Variants in LPP observed in about 807,000 individuals in gnomAD.
The protein encoded by LPP is lipoma-preferred partner.
A neutral mutation model predicts 60.4 loss-of-function variants in LPP; 38 were observed. The observed-to-expected ratio is 0.63, with a 90% CI of 0.49 to 0.83. The LOEUF (loss-of-function observed/expected upper bound fraction) is 0.83. Among genes scored for constraint, LPP ranks in the 40% least tolerant of loss-of-function variants. The pLI, the probability that LPP is intolerant of heterozygous loss-of-function variation, is 0.00. For missense variants in LPP, 902 were observed against 783.6 expected, an observed-to-expected ratio of 1.15 and a Z score of -1.80; for synonymous variants, 328 against 290.8, an observed-to-expected ratio of 1.13 and a Z score of -1.30.
intron 1 of LPP, among the ~76,000 whole-genome samples, chr3:188,205,295 T>C (rs1197092203): frequency 1.4e-5 from 2 of 146,522 alleles, no homozygotes; most frequent in Non-Finnish European, 3.0e-5. Context: ...TTTTTTTTTT[T>C]TTTTTGGCAG....
At chr3:188,809,445 C>G (rs1408349286) in intron 9 of LPP, among the ~76,000 whole-genome samples, 1 of 152,098 alleles carries the variant, frequency 6.6e-6, no homozygotes, top group African/African-American at 2.4e-5. Context: ...TGTCATTGAG[C>G]TTTTTTTCAT....
intron 6 of LPP, among the ~76,000 whole-genome samples, chr3:188,530,232 A>G (rs13080305): frequency 0.39 from 59,977 of 152,106 alleles, 12,611 homozygotes; most frequent in African/African-American, 0.52. Flanking sequence ...AGAAATTTAC[A>G]GGGGGATAGC....
At chr3:188,566,178 C>G (rs1426479072) in intron 6 of LPP, among the ~76,000 whole-genome samples, 1 of 151,912 alleles carries the variant, frequency 6.6e-6, no homozygotes, top group Non-Finnish European at 1.5e-5. Flanking sequence ...TTTCAATCTT[C>G]CCTTGCACGA....
At chr3:188,306,925 A>G (rs1321935299) in intron 2 of LPP, among the ~76,000 whole-genome samples, 1 of 152,230 alleles carries the variant, frequency 6.6e-6, no homozygotes, top group African/African-American at 2.4e-5. Context: ...CAAAACAACA[A>G]CAAAGCACGT....
Position 188,361,788 on chromosome 3 carries a change from G to A in LPP, c.-10+20069G>A, listed in dbSNP as rs112169327. Among the ~76,000 whole-genome samples the A allele has an allele frequency of 1.1e-3, 174 of 152,106 alleles. 1 individual carries two copies. The highest frequency in any genetic ancestry group is 4.1e-3 in the African/African-American group (169 of 41,496). ...TTGCCATGTTGGCCAGGCTGGTCTC[G>A]AACTCCTGACCTCAAATGATTTGCC... is the stretch of plus-strand genomic sequence containing the variant. On this transcript the variant is annotated intron_variant, in intron 3 of 11. Coordinates refer to ENST00000617246, the MANE Select transcript of LPP (RefSeq NM_001375462.1).
At chr3:188,485,063 T>A (rs1036932721) in intron 5 of LPP, among the ~76,000 whole-genome samples, 2 of 152,246 alleles carry the variant, frequency 1.3e-5, no homozygotes, top group Non-Finnish European at 2.9e-5. Context: ...ATGTTCTCTA[T>A]CTTCAAACAT....
rs376981161 is a variant in LPP at position 188,614,058 on chromosome 3, G to A, written c.1113+4214G>A. ...TTCTCCTGCCTCAGCCTACCAAGTA[G>A]CTGGGATTACAGGCTCCCGCCACCA... On this transcript the variant is annotated intron_variant, in intron 7 of 11. Coordinates refer to ENST00000617246, the MANE Select transcript of LPP (RefSeq NM_001375462.1). Among the ~76,000 whole-genome samples, 5 of 151,762 alleles carry A rather than the reference G, an allele frequency of 3.3e-5. No homozygotes were observed. In the East Asian group the frequency reaches 5.8e-4, roughly 18 times the overall value.
Position 188,779,079 on chromosome 3 carries a change from A to G in LPP, c.1410+18797A>G, listed in dbSNP as rs571496109. Among the ~76,000 whole-genome samples, 3 of 152,220 alleles carry G rather than the reference A, an allele frequency of 2.0e-5. No homozygotes were observed. The South Asian group carries it at 6.2e-4, about 32-fold the overall frequency. ...AGTCAATGGGATCATTAAGATTATT[A>G]TGCATGTTTTCCAAAGAGTTTGAAT... is the stretch of plus-strand genomic sequence containing the variant. On this transcript the variant is annotated intron_variant, in intron 9 of 11. Transcript: ENST00000617246.
At chr3:188,408,462 C>T (rs955124487) in intron 4 of LPP, among the ~76,000 whole-genome samples, 3 of 152,152 alleles carry the variant, frequency 2.0e-5, no homozygotes, top group South Asian at 2.1e-4. Context: ...GATTTGTTTG[C>T]GTGCCCTGCA....
intron 3 of LPP, among the ~76,000 whole-genome samples, chr3:188,373,930 G>A (rs895058961): frequency 3.3e-5 from 5 of 152,004 alleles, no homozygotes; most frequent in African/African-American, 9.7e-5. Flanking sequence ...ATATATGGCT[G>A]GCCAGTTTCC....
chr3:188,268,793 G>A (rs980951142), intron 2 of LPP, among the ~76,000 whole-genome samples: 2 of 152,180 alleles, frequency 1.3e-5, no homozygotes, highest in African/African-American at 4.8e-5. Context: ...CAGGAATAAT[G>A]AATGAATATT....
intron 2 of LPP, among the ~76,000 whole-genome samples, chr3:188,323,045 C>T (rs930427440): frequency 2.0e-5 from 3 of 152,074 alleles, no homozygotes; most frequent in Non-Finnish European, 2.9e-5. Flanking sequence ...AGAAAAAGAG[C>T]GGTGAAAATG....
chr3:188,590,710 G>A (rs1838510136), intron 6 of LPP, among the ~76,000 whole-genome samples: 1 of 152,174 alleles, frequency 6.6e-6, no homozygotes, highest in African/African-American at 2.4e-5. Flanking sequence ...GAGTGGTGAA[G>A]ACTGTGGCAA....
chr3:188,684,906 TG>T (rs989241231), intron 7 of LPP, among the ~76,000 whole-genome samples: 18 of 152,324 alleles, frequency 1.2e-4, no homozygotes, highest in Admixed American at 9.8e-4. Context: ...CCTGAATATG[TG>T]CTAAAAGCAT....
chr3:188,597,303 A>T (rs917314854), intron 6 of LPP, among the ~76,000 whole-genome samples: 23 of 152,162 alleles, frequency 1.5e-4, no homozygotes, highest in Admixed American at 1.2e-3. Flanking sequence ...TCTGTTAAAA[A>T]TTATTCCCCA....
intron 4 of LPP, among the ~76,000 whole-genome samples, chr3:188,459,770 GATT>G (rs1156365009): frequency 6.6e-6 from 1 of 152,018 alleles, no homozygotes. Flanking sequence ...CCCAATATCT[GATT>G]ATTATCAATA....
At chr3:188,180,817 A>G (rs1435303639) in intron 1 of LPP, 1 of 152,186 alleles carries the variant, frequency 6.6e-6, no homozygotes, top group Admixed American at 6.6e-5. Context: ...TTGTACATGT[A>G]ATTTTGAATG....
intron 1 of LPP, among the ~76,000 whole-genome samples, chr3:188,176,010 C>G (rs1722940703): frequency 6.6e-6 from 1 of 152,046 alleles, no homozygotes; most frequent in Admixed American, 6.6e-5. Flanking sequence ...AAGTTCATGC[C>G]AGATCAAAAT....
chr3:188,510,943 T>G (rs1231858946), intron 5 of LPP, among the ~76,000 whole-genome samples: 2 of 152,178 alleles, frequency 1.3e-5, no homozygotes, highest in Non-Finnish European at 2.9e-5. Context: ...ACATGTAGTC[T>G]GCCTTCTAAT....
Sources: allele counts gnomAD v4.1 joint callset (sites outside exome capture counted in the v4.1 genomes callset), GRCh38; gene constraint gnomAD v4.1.1; transcripts MANE v1.5; gene names NCBI Gene and HGNC (gene_info 2026-07-23, HGNC 2026-07-21).